Variants in ZPLD1 observed in about 807,000 individuals in gnomAD.
ZPLD1 encodes zona pellucida like domain containing 1.
In ZPLD1, 34 loss-of-function variants were observed where a neutral mutation model predicts 47.2. The observed-to-expected ratio is 0.72, with a 90% CI of 0.55 to 0.96. The LOEUF (loss-of-function observed/expected upper bound fraction) is 0.96, where lower values mean the gene tolerates loss of function less well. Among genes scored for constraint, ZPLD1 ranks in the 40% least tolerant of loss-of-function variants. ZPLD1 has a pLI of 0.00. For synonymous variants in ZPLD1, 176 were observed against 186.2 expected, an observed-to-expected ratio of 0.95 and a Z score of 0.45; for missense variants, 512 against 505.8, an observed-to-expected ratio of 1.01 and a Z score of -0.12.
chr3:102,396,766 A>G (rs974590948), intron 7 of ZPLD1, among the ~76,000 whole-genome samples: 1 of 152,044 alleles, frequency 6.6e-6, no homozygotes, highest in Non-Finnish European at 1.5e-5. Flanking sequence ...TCCTCTTTCC[A>G]CCAGCTATAC....
intron 10 of ZPLD1, 102 bp downstream of exon 10, chr3:102,470,604 T>C: frequency 1.2e-6 from 1 of 833,442 alleles, no homozygotes. Flanking sequence ...ACAGCACTAA[T>C]TAATTGTGAG....
At chr3:102,411,409 G>A (rs553711882) in intron 7 of ZPLD1, among the ~76,000 whole-genome samples, 1 of 151,728 alleles carries the variant, frequency 6.6e-6, no homozygotes, top group Non-Finnish European at 1.5e-5. Flanking sequence ...TACTAAATTT[G>A]AGCTTTATAA....
In ZPLD1 at chr3:102,435,140, G is replaced by A; in HGVS notation, c.-137G>A. ...ATGATGCTCAGGTTTTCCATGTGCAGGGGAAATGATGAAGGTAAGGTTGAG... is the reference window on the plus strand; with the variant it reads ...ATGATGCTCAGGTTTTCCATGTGCAAGGGAAATGATGAAGGTAAGGTTGAG... On this transcript the variant is annotated 5_prime_UTR_variant, in exon 1 of 12. Transcript: ENST00000466937. 3 of 1,614,120 alleles carry A rather than the reference G, an allele frequency of 1.9e-6. No individual in the cohort carries two copies. Among genetic ancestry groups the A allele is most frequent in the Non-Finnish European group, 2.5e-6 (3 of 1,180,000 alleles).
intron 7 of ZPLD1, among the ~76,000 whole-genome samples, chr3:102,405,334 A>G (rs1255430954): frequency 6.6e-6 from 1 of 152,010 alleles, no homozygotes; most frequent in Non-Finnish European, 1.5e-5. Context: ...ATACTTACCT[A>G]AGAATCTAAA....
At chr3:102,400,000 G>A (rs1706601716) in intron 7 of ZPLD1, among the ~76,000 whole-genome samples, 1 of 151,904 alleles carries the variant, frequency 6.6e-6, no homozygotes. Flanking sequence ...TGTATTTTTA[G>A]TAGAGATGGG....
intron 8 of ZPLD1, among the ~76,000 whole-genome samples, chr3:102,429,002 T>C (rs964912142): frequency 6.6e-6 from 1 of 152,172 alleles, no homozygotes; most frequent in Non-Finnish European, 1.5e-5. Context: ...GTGATACTTA[T>C]CCACTTGAAA....
chr3:102,413,326 T>G (rs901813513), intron 7 of ZPLD1, among the ~76,000 whole-genome samples: 1 of 151,846 alleles, frequency 6.6e-6, no homozygotes, highest in South Asian at 2.1e-4. Flanking sequence ...ATAGACACTT[T>G]CTCCAAATCA....
chr3:102,404,805 T>C (rs957707337), intron 7 of ZPLD1, among the ~76,000 whole-genome samples: 4 of 151,970 alleles, frequency 2.6e-5, no homozygotes, highest in Non-Finnish European at 5.9e-5. Context: ...ATTTTCTTCC[T>C]AGAGACAGCA....
chr3:102,388,624 G>A (rs1706461964), intron 6 of ZPLD1, among the ~76,000 whole-genome samples: 1 of 151,780 alleles, frequency 6.6e-6, no homozygotes, highest in South Asian at 2.1e-4. Context: ...TCTCTATTCC[G>A]TGGTGCAGTC....
At position 102,453,000 on chromosome 3, in the gene ZPLD1, A is replaced by C; in HGVS notation, c.188A>C (p.Tyr63Ser). 1 of 1,614,144 alleles carries C rather than the reference A, an allele frequency of 6.2e-7. No individual in the cohort carries two copies. The highest frequency in any genetic ancestry group is 8.5e-7 in the Non-Finnish European group (1 of 1,180,000). Residue 63 changes from tyrosine to serine, a missense_variant, in exon 4 of 12, where the codon TAT becomes TCT. Transcript: ENST00000466937. Reference protein sequence around the residue: ...INFCTVLFSGYSETDLALNGR... With the variant: ...INFCTVLFSGSSETDLALNGR... ...TTTTGCACGGTACTTTTCTCGGGTT[A>C]TTCGGAAACAGATCTGGCACTGAAT...
At chr3:102,433,114 C>G (rs982823980), upstream of ZPLD1, among the ~76,000 whole-genome samples, 10 of 152,146 alleles carry the variant, frequency 6.6e-5, no homozygotes, top group Admixed American at 3.3e-4. Context: ...CTCAGCATCC[C>G]CCCACTCCCT....
intron 6 of ZPLD1, 79 bp downstream of exon 6, chr3:102,457,932 A>C: frequency 1.4e-6 from 2 of 1,393,804 alleles, no homozygotes; most frequent in South Asian, 2.4e-5. Context: ...TTTATATAAA[A>C]ATCTACTGAA....
At chr3:102,431,764 C>A (rs1320031697), upstream of ZPLD1, among the ~76,000 whole-genome samples, 1 of 152,118 alleles carries the variant, frequency 6.6e-6, no homozygotes, top group African/African-American at 2.4e-5. Context: ...CAAAAATTAG[C>A]TGGACGTGGT....
At chr3:102,438,026 TAAG>T (rs1298259845) in intron 2 of ZPLD1, among the ~76,000 whole-genome samples, 1 of 152,208 alleles carries the variant, frequency 6.6e-6, no homozygotes, top group Non-Finnish European at 1.5e-5. Context: ...ATTTGGTCAT[TAAG>T]ATTATTGAGA....
In ZPLD1 at chr3:102,454,719, G is replaced by C. The variant is rs566912338; in HGVS notation, c.328-1474G>C. ...AAAAATACAAAAATTAGCTGGGCATGGTGGCGTGTGCCTCTAATCCCAGCT... is the reference window on the plus strand; with the variant it reads ...AAAAATACAAAAATTAGCTGGGCATCGTGGCGTGTGCCTCTAATCCCAGCT... On this transcript the variant is annotated intron_variant, in intron 4 of 11. Transcript: ENST00000466937. 5.9e-5 allele frequency among the ~76,000 whole-genome samples: 9 copies of C among 152,282 alleles called. No homozygotes were observed. The East Asian group carries it at 1.5e-3, about 26-fold the overall frequency.
chr3:102,428,564 A>T (rs1706978343), intron 8 of ZPLD1, among the ~76,000 whole-genome samples: 1 of 151,962 alleles, frequency 6.6e-6, no homozygotes, highest in South Asian at 2.1e-4. Flanking sequence ...TGATTGATGT[A>T]CTGAAAAGAA....
intron 8 of ZPLD1, among the ~76,000 whole-genome samples, chr3:102,428,066 A>G (rs1212375516): frequency 6.6e-6 from 1 of 152,198 alleles, no homozygotes; most frequent in Non-Finnish European, 1.5e-5. Context: ...TGGCATTTTT[A>G]TTAACAAACT....
intron 3 of ZPLD1, among the ~76,000 whole-genome samples, chr3:102,451,954 C>A (rs915796534): frequency 6.6e-6 from 1 of 152,014 alleles, no homozygotes; most frequent in Non-Finnish European, 1.5e-5. Context: ...TTCAGCATAT[C>A]TTTTTTTGGG....
chr3:102,449,462 T>C (rs549731073), intron 3 of ZPLD1, among the ~76,000 whole-genome samples: 1 of 152,196 alleles, frequency 6.6e-6, no homozygotes, highest in Admixed American at 6.5e-5. Flanking sequence ...GAAAATTCCA[T>C]ATATAAACAA....
Sources: allele counts gnomAD v4.1 joint callset (sites outside exome capture counted in the v4.1 genomes callset), GRCh38; gene constraint gnomAD v4.1.1; transcripts MANE v1.5; gene names NCBI Gene and HGNC (gene_info 2026-07-23, HGNC 2026-07-21).